The following SPAG16 variants were observed in gnomAD, a reference collection of about 807,000 sequenced individuals.
SPAG16 encodes sperm-associated antigen 16 protein.
A neutral mutation model predicts 80.4 loss-of-function variants in SPAG16; 86 were observed. That is an observed-to-expected ratio of 1.07 (90% CI 0.90 to 1.28). The LOEUF (loss-of-function observed/expected upper bound fraction) is 1.28. Ranked by LOEUF, SPAG16 falls within the 50% of genes most tolerant of loss-of-function variation. The pLI, the probability that SPAG16 is intolerant of heterozygous loss-of-function variation, is 0.00. For missense variants in SPAG16, 870 were observed against 765.3 expected (o/e 1.14, Z -1.61); for synonymous variants, 294 against 265.9 (o/e 1.11, Z -1.03).
chr2:213,493,442 C>A (rs2074351423), intron 10 of SPAG16, among the ~76,000 whole-genome samples: 1 of 152,242 alleles, frequency 6.6e-6, no homozygotes, highest in East Asian at 1.9e-4. Context: ...AAGAACCAGA[C>A]AGATTTTAAA....
rs559293416 is a variant in SPAG16 at position 213,926,587 on chromosome 2, A to C, written c.1215-3373A>C. ...ATTTAACCCATCCATTGATTTCTTA[A>C]TTTCAATAATTTTATTTTTAAAATT... On this transcript the variant is annotated intron_variant, in intron 11 of 15. Coordinates refer to ENST00000331683, the MANE Select transcript of SPAG16 (RefSeq NM_024532.5). Among the ~76,000 whole-genome samples, 41 of 151,980 alleles carry C rather than the reference A, an allele frequency of 2.7e-4. No homozygotes were observed. The South Asian group carries it at 7.9e-3, about 29-fold the overall frequency.
At chr2:213,916,429 T>G (rs191519974) in intron 11 of SPAG16, among the ~76,000 whole-genome samples, 13 of 152,346 alleles carry the variant, frequency 8.5e-5, no homozygotes, top group African/African-American at 2.6e-4. Flanking sequence ...GTTGTAGACG[T>G]GTGGCATTAT....
intron 10 of SPAG16, among the ~76,000 whole-genome samples, chr2:213,707,492 C>T (rs1167664302): frequency 9.9e-5 from 15 of 152,166 alleles, no homozygotes; most frequent in Non-Finnish European, 1.0e-4. Flanking sequence ...GAACCCCTAA[C>T]ATCTTGTCTG....
At position 214,211,958 on chromosome 2, in the gene SPAG16, C is replaced by T. The variant is rs183735396; in HGVS notation, c.1720+62692C>T. ...GGCCTCCAATTTACCACTCTAGTTT[C>T]GGGCTACTGTGACACTTGGTGCCTA... is the stretch of plus-strand genomic sequence containing the variant. On this transcript the variant is annotated intron_variant, in intron 15 of 15. Coordinates refer to ENST00000331683, the MANE Select transcript of SPAG16 (RefSeq NM_024532.5). Among the ~76,000 whole-genome samples the T allele has an allele frequency of 7.9e-5, 12 of 152,258 alleles. No individual in the cohort carries two copies. The South Asian group carries it at 1.0e-3, about 13-fold the overall frequency.
rs545158517 is a variant in SPAG16, at chr2:214,121,299, A to G, written c.1593+13038A>G. On this transcript the variant is annotated intron_variant, in intron 14 of 15. Coordinates refer to ENST00000331683, the MANE Select transcript of SPAG16 (RefSeq NM_024532.5). ...TGTATCATTAGATCTTATTTATTTCAACTTGATTAGGCTTCCAAATTCTGC... is the reference window on the plus strand; with the variant it reads ...TGTATCATTAGATCTTATTTATTTCGACTTGATTAGGCTTCCAAATTCTGC... 6.6e-5 allele frequency among the ~76,000 whole-genome samples: 10 copies of G among 152,000 alleles called. No individual in the cohort carries two copies. The South Asian group carries it at 2.1e-3, about 31-fold the overall frequency.
chr2:213,514,597 C>G (rs1227464725), intron 10 of SPAG16, among the ~76,000 whole-genome samples: 2 of 148,028 alleles, frequency 1.4e-5, no homozygotes, highest in Non-Finnish European at 3.0e-5. Flanking sequence ...AGGTATATCT[C>G]CCAGTGCTAT....
At chr2:213,413,661 T>C (rs1392276757) in intron 9 of SPAG16, among the ~76,000 whole-genome samples, 1 of 152,134 alleles carries the variant, frequency 6.6e-6, no homozygotes, top group Non-Finnish European at 1.5e-5. Context: ...AGGTTTCTGA[T>C]AGATTTGGTG....
intron 11 of SPAG16, among the ~76,000 whole-genome samples, chr2:213,870,459 G>T (rs762633181): frequency 6.6e-6 from 1 of 152,178 alleles, no homozygotes; most frequent in Non-Finnish European, 1.5e-5. Flanking sequence ...CTGCCCAAGC[G>T]CTTTCCTCCA....
At chr2:213,731,013 T>C (rs2067006978) in intron 10 of SPAG16, among the ~76,000 whole-genome samples, 1 of 152,084 alleles carries the variant, frequency 6.6e-6, no homozygotes, top group African/African-American at 2.4e-5. Flanking sequence ...TTTTATGGTT[T>C]CTTAGAGTTT....
chr2:213,925,181 A>C (rs1348946266), intron 11 of SPAG16, among the ~76,000 whole-genome samples: 1 of 151,998 alleles, frequency 6.6e-6, no homozygotes, highest in Non-Finnish European at 1.5e-5. Flanking sequence ...TTTTGCAAGC[A>C]TTTTATTTAT....
At chr2:213,518,828 C>T (rs1217703244) in intron 10 of SPAG16, among the ~76,000 whole-genome samples, 1 of 152,198 alleles carries the variant, frequency 6.6e-6, no homozygotes, top group Non-Finnish European at 1.5e-5. Flanking sequence ...ACATAGGTGG[C>T]TATCCATGGT....
intron 12 of SPAG16, among the ~76,000 whole-genome samples, chr2:213,983,911 G>A (rs187320201): frequency 2.2e-4 from 34 of 152,026 alleles, no homozygotes; most frequent in Admixed American, 1.7e-3. Flanking sequence ...ATTGGAACCC[G>A]CATGCAAGTC....
At chr2:213,572,101 GC>G (rs2059932490) in intron 10 of SPAG16, among the ~76,000 whole-genome samples, 2 of 117,652 alleles carry the variant, frequency 1.7e-5, no homozygotes, top group Admixed American at 1.7e-4. Flanking sequence ...GCTCCTTTAA[GC>G]ACTTCTCTGG....
intron 11 of SPAG16, among the ~76,000 whole-genome samples, chr2:213,881,642 A>G (rs2076348866): frequency 6.6e-6 from 1 of 152,200 alleles, no homozygotes; most frequent in Admixed American, 6.5e-5. Context: ...GTGCCAAGGC[A>G]GGGGGAACAA....
chr2:213,370,908 A>C, intron 8 of SPAG16, among the ~76,000 whole-genome samples: 1 of 152,254 alleles, frequency 6.6e-6, no homozygotes. Context: ...AGTTTCTTTT[A>C]GTTATGTATC....
chr2:214,359,436 T>G (rs1191879398), intron 15 of SPAG16, among the ~76,000 whole-genome samples: 1 of 151,914 alleles, frequency 6.6e-6, no homozygotes, highest in Non-Finnish European at 1.5e-5. Context: ...AACAGCATTT[T>G]TGGTGTTGCT....
chr2:214,314,689 A>C (rs893289386), intron 15 of SPAG16, among the ~76,000 whole-genome samples: 2 of 152,242 alleles, frequency 1.3e-5, no homozygotes, highest in Non-Finnish European at 2.9e-5. Flanking sequence ...CAGGAGACCC[A>C]AAGAAGTAAT....
chr2:214,032,950 C>T (rs568018983), intron 13 of SPAG16, among the ~76,000 whole-genome samples: 4 of 152,064 alleles, frequency 2.6e-5, no homozygotes, highest in African/African-American at 4.8e-5. Flanking sequence ...CAGAAAGACA[C>T]GACTTGTTTA....
chr2:214,068,388 A>T (rs982524289), intron 13 of SPAG16, among the ~76,000 whole-genome samples: 1 of 152,154 alleles, frequency 6.6e-6, no homozygotes, highest in African/African-American at 2.4e-5. Context: ...GCATATTTTA[A>T]CTGGACATAG....
Sources: gnomAD v4.1 joint callset for allele counts (sites outside exome capture counted in the v4.1 genomes callset) on GRCh38, gnomAD v4.1.1 for gene constraint, MANE v1.5 for transcripts, NCBI Gene and HGNC (gene_info 2026-07-23, HGNC 2026-07-21) for gene names.